The following ATRNL1 variants were observed in gnomAD, a reference collection of about 807,000 sequenced individuals.
The protein encoded by ATRNL1 is attractin-like protein 1.
In ATRNL1, 95 loss-of-function variants were observed where a neutral mutation model predicts 182.7. The ratio of observed to expected loss-of-function variants is 0.52; its 90% confidence interval spans 0.44 to 0.62. The LOEUF (loss-of-function observed/expected upper bound fraction) is 0.62, where lower values mean the gene tolerates loss of function less well. Among genes scored for constraint, ATRNL1 ranks in the 20% least tolerant of loss-of-function variants. ATRNL1 has a pLI of 0.00. For missense variants in ATRNL1, 1,471 were observed against 1,679.5 expected (o/e 0.88, Z 2.17); for synonymous variants, 576 against 568.3 (o/e 1.01, Z -0.19).
intron 20 of ATRNL1, among the ~76,000 whole-genome samples, chr10:115,395,781 T>C (rs570966113): frequency 6.6e-6 from 1 of 151,946 alleles, no homozygotes; most frequent in East Asian, 1.9e-4. Flanking sequence ...AAATTAACTT[T>C]AAAAGGCAGC....
chr10:115,798,010 C>T (rs894638487), intron 27 of ATRNL1, among the ~76,000 whole-genome samples: 3 of 152,122 alleles, frequency 2.0e-5, no homozygotes, highest in East Asian at 1.9e-4. Context: ...CTCTGCCTCC[C>T]GGGTTCACGC....
chr10:115,357,679 A>G (rs989645221), intron 19 of ATRNL1, among the ~76,000 whole-genome samples: 1 of 151,424 alleles, frequency 6.6e-6, no homozygotes, highest in Admixed American at 6.6e-5. Context: ...CCTTTACTTT[A>G]TGGCCAATTT....
intron 26 of ATRNL1, among the ~76,000 whole-genome samples, chr10:115,601,787 G>C (rs1378939646): frequency 6.6e-6 from 1 of 152,016 alleles, no homozygotes; most frequent in African/African-American, 2.4e-5. Context: ...GCATATAGTT[G>C]TAACTCTTTC....
At chr10:115,689,629 T>G (rs1946327113) in intron 26 of ATRNL1, among the ~76,000 whole-genome samples, 1 of 152,140 alleles carries the variant, frequency 6.6e-6, no homozygotes, top group African/African-American at 2.4e-5. Context: ...GGCCTCTAGG[T>G]GGCTGCTTGC....
intron 24 of ATRNL1, among the ~76,000 whole-genome samples, chr10:115,490,557 G>A (rs1849249050): frequency 6.6e-6 from 1 of 152,070 alleles, no homozygotes; most frequent in African/African-American, 2.4e-5. Context: ...CTTGTGCTGT[G>A]TTTTTCAGCT....
intron 28 of ATRNL1, among the ~76,000 whole-genome samples, chr10:115,887,613 C>T (rs375045386): frequency 3.3e-5 from 5 of 151,804 alleles, no homozygotes; most frequent in East Asian, 3.9e-4. Flanking sequence ...ATTTAGGGGG[C>T]GGGGAGAGGC....
At chr10:115,230,670 A>C (rs1849885376) in intron 9 of ATRNL1, among the ~76,000 whole-genome samples, 1 of 152,068 alleles carries the variant, frequency 6.6e-6, no homozygotes, top group South Asian at 2.1e-4. Context: ...TTTTTACAGG[A>C]GCGGTGTTGT....
At chr10:115,185,496 A>T (rs1847905447) in intron 8 of ATRNL1, among the ~76,000 whole-genome samples, 1 of 152,114 alleles carries the variant, frequency 6.6e-6, no homozygotes, top group Non-Finnish European at 1.5e-5. Context: ...AAAGAAATAC[A>T]TTAAAAACTA....
chr10:115,637,100 TTAAC>T (rs1329714677), intron 26 of ATRNL1, among the ~76,000 whole-genome samples: 1 of 152,232 alleles, frequency 6.6e-6, no homozygotes, highest in African/African-American at 2.4e-5. Context: ...CCTAGTGGTC[TTAAC>T]TAACAGAGAA....
chr10:115,213,106 A>G (rs11197119), intron 8 of ATRNL1, among the ~76,000 whole-genome samples: 3,781 of 152,188 alleles, frequency 0.025, 159 homozygotes, highest in African/African-American at 0.086. Flanking sequence ...CAGTGTTAGT[A>G]TTACTTGATT....
intron 27 of ATRNL1, among the ~76,000 whole-genome samples, chr10:115,759,841 A>ATTTTTTTTT (rs58578796): frequency 0.01 from 646 of 62,744 alleles, 2 homozygotes; most frequent in African/African-American, 0.025. Context: ...ACACCTGGCT[A>ATTTTTTTTT]TTTTTTTTTT....
intron 27 of ATRNL1, among the ~76,000 whole-genome samples, chr10:115,776,520 T>C (rs116633834): frequency 0.042 from 6,315 of 152,074 alleles, 363 homozygotes; most frequent in African/African-American, 0.13. Context: ...ACTAACAGAA[T>C]GTGGTGGCAG....
chr10:115,821,484 C>T (rs1002978579), intron 27 of ATRNL1, among the ~76,000 whole-genome samples: 1 of 152,044 alleles, frequency 6.6e-6, no homozygotes, highest in African/African-American at 2.4e-5. Flanking sequence ...TTAAAAGACA[C>T]AGACTGGCAA....
chr10:115,217,359 A>G (rs535945310), intron 9 of ATRNL1, among the ~76,000 whole-genome samples: 111 of 152,266 alleles, frequency 7.3e-4, no homozygotes, highest in African/African-American at 2.6e-3. Flanking sequence ...AAGTGCTGGG[A>G]TTATAGGTGT....
chr10:115,650,017 T>A (rs1859884436), intron 26 of ATRNL1, among the ~76,000 whole-genome samples: 1 of 152,142 alleles, frequency 6.6e-6, no homozygotes, highest in African/African-American at 2.4e-5. Context: ...TATCTATGTT[T>A]CTTTACAAAG....
chr10:115,689,203 C>T (rs1369565455), intron 26 of ATRNL1, among the ~76,000 whole-genome samples: 1 of 152,052 alleles, frequency 6.6e-6, no homozygotes, highest in Non-Finnish European at 1.5e-5. Context: ...TTTACCATAA[C>T]CTTATAATAT....
chr10:115,297,134 T>TTTTAA (rs1853234368), intron 15 of ATRNL1, among the ~76,000 whole-genome samples: 1 of 152,008 alleles, frequency 6.6e-6, no homozygotes, highest in African/African-American at 2.4e-5. Context: ...AAGTCTTTTC[T>TTTTAA]CTTGTCTTGA....
At chr10:115,101,562 C>T (rs782495909) in intron 1 of ATRNL1, among the ~76,000 whole-genome samples, 4 of 152,124 alleles carry the variant, frequency 2.6e-5, no homozygotes, top group Non-Finnish European at 4.4e-5. Flanking sequence ...TCCTCTGACA[C>T]AATATGCTTT....
intron 1 of ATRNL1, among the ~76,000 whole-genome samples, chr10:115,100,988 G>C (rs1192471665): frequency 6.6e-6 from 1 of 152,012 alleles, no homozygotes; most frequent in Admixed American, 6.6e-5. Context: ...GGATGCTATT[G>C]TAAATGGCAT....
Sources: allele counts gnomAD v4.1 joint callset (sites outside exome capture counted in the v4.1 genomes callset), GRCh38; gene constraint gnomAD v4.1.1; transcripts MANE v1.5; gene names NCBI Gene and HGNC (gene_info 2026-07-23, HGNC 2026-07-21).